The following STRBP variants were observed in gnomAD, a reference collection of about 807,000 sequenced individuals.
The protein encoded by STRBP is spermatid perinuclear RNA binding protein.
Under a neutral mutation model 80.1 loss-of-function variants are expected in STRBP, and 13 were observed. The ratio of observed to expected loss-of-function variants is 0.16; its 90% CI spans 0.11 to 0.26. The LOEUF (loss-of-function observed/expected upper bound fraction) is 0.26. Ranked by LOEUF, STRBP falls within the 10% of genes least tolerant of loss-of-function variation. STRBP has a pLI of 1.00. For synonymous variants in STRBP, 284 were observed against 291.2 expected (o/e 0.98, Z 0.25); for missense variants, 485 against 815.2 (o/e 0.59, Z 4.93).
At chr9:123,171,833 G>C (rs549807715) in intron 5 of STRBP, among the ~76,000 whole-genome samples, 8 of 152,000 alleles carry the variant, frequency 5.3e-5, no homozygotes, top group Non-Finnish European at 1.0e-4. Flanking sequence ...AGTTTCTTTA[G>C]CCTAAAAAGC....
chr9:123,248,768 T>C (rs993385589), intron 1 of STRBP, among the ~76,000 whole-genome samples: 8 of 152,350 alleles, frequency 5.3e-5, no homozygotes, highest in Admixed American at 3.9e-4. Context: ...TACTTTCCCA[T>C]AATAAAGAAT....
intron 2 of STRBP, among the ~76,000 whole-genome samples, chr9:123,223,092 T>C (rs1413759615): frequency 6.8e-6 from 1 of 148,058 alleles, no homozygotes; most frequent in African/African-American, 2.5e-5. Context: ...GATAGATAGA[T>C]AGATAAAAAT....
chr9:123,159,328 A>G (rs2037424545), intron 8 of STRBP, 121 bp from the exon 9 acceptor site: 1 of 595,770 alleles, frequency 1.7e-6, no homozygotes, highest in African/African-American at 1.9e-5. Flanking sequence ...TTTAACATTT[A>G]GGACCCACTT....
At chr9:123,222,845 T>C (rs1435948147) in intron 2 of STRBP, among the ~76,000 whole-genome samples, 4 of 152,168 alleles carry the variant, frequency 2.6e-5, no homozygotes, top group Admixed American at 2.6e-4. Flanking sequence ...GATCCAAAAA[T>C]TGTGCTTAAG....
At chr9:123,241,490 C>T (rs1427779655) in intron 1 of STRBP, among the ~76,000 whole-genome samples, 1 of 151,636 alleles carries the variant, frequency 6.6e-6, no homozygotes, top group East Asian at 1.9e-4. Flanking sequence ...GCCAGGGTAA[C>T]AGAGCAAGAC....
At position 123,136,602 on chromosome 9, in the gene STRBP, G is replaced by A. The variant is rs2036363329; in HGVS notation, c.1498-87C>T. ...ATTAATACAATTATGCTAAGAAGGA[G>A]GCTCAAAAATTCTACTTCAAAGCAC... On this transcript the variant is annotated intron_variant, in intron 14 of 18. Transcript: ENST00000348403. The surrounding 1 kb of genome is among the most constrained non-coding windows in gnomAD (Gnocchi z 4.2). The A allele has an allele frequency of 6.7e-7, 1 of 1,483,676 alleles. No homozygotes were observed. The highest frequency in any genetic ancestry group is 9.0e-7 in the Non-Finnish European group (1 of 1,113,362). 91.9% of individuals were successfully genotyped at this position (1,483,676 alleles called of 1,614,324 possible). A position where few individuals can be genotyped will look rare whatever the true frequency, so the allele number is the denominator to read the frequency against.
At chr9:123,258,811 A>G (rs2041095728) in intron 1 of STRBP, among the ~76,000 whole-genome samples, 1 of 151,930 alleles carries the variant, frequency 6.6e-6, no homozygotes, top group African/African-American at 2.4e-5. Context: ...AAAAAAAAAA[A>G]AAAAAAAAGA....
intron 13 of STRBP, among the ~76,000 whole-genome samples, chr9:123,142,500 C>T (rs1478463178): frequency 2.0e-5 from 3 of 152,160 alleles, no homozygotes; most frequent in Non-Finnish European, 4.4e-5. Context: ...TGGACTAATA[C>T]GTCCATCACT....
intron 6 of STRBP, among the ~76,000 whole-genome samples, chr9:123,166,524 C>T (rs752856939): frequency 1.1e-4 from 16 of 152,126 alleles, no homozygotes; most frequent in African/African-American, 2.2e-4. Context: ...GAGGCCGAGG[C>T]GGGCAAATTG....
At chr9:123,193,906 CATGCTAATTAGT>C (rs1487746089) in intron 2 of STRBP, among the ~76,000 whole-genome samples, 2 of 152,160 alleles carry the variant, frequency 1.3e-5, no homozygotes, top group African/African-American at 2.4e-5. Context: ...ATCACATAAT[CATGCTAATTAGT>C]CTTTTTCATG....
At chr9:123,142,742 ACTTTTTTTTTT>A (rs2036643840) in intron 13 of STRBP, among the ~76,000 whole-genome samples, 1 of 146,484 alleles carries the variant, frequency 6.8e-6, no homozygotes, top group Non-Finnish European at 1.5e-5. Context: ...CTGATAACAC[ACTTTTTTTTTT>A]TTACTGTTTT....
chr9:123,251,657 G>C (rs1347605027), intron 1 of STRBP, among the ~76,000 whole-genome samples: 2 of 152,180 alleles, frequency 1.3e-5, no homozygotes, highest in Non-Finnish European at 2.9e-5. Context: ...TTCTTAGATT[G>C]CAATTCATCA....
Position 123,159,179 on chromosome 9 carries a change from A to G in STRBP, c.752T>C (p.Ile251Thr). The G allele has an allele frequency of 6.2e-7, 1 of 1,613,468 alleles. No individual in the cohort carries two copies. Among genetic ancestry groups the G allele is most frequent in the Non-Finnish European group, 8.5e-7 (1 of 1,179,504 alleles). ...WPLELICEKSIGTCNRPLGAG... is the reference protein window; with the variant it reads ...WPLELICEKSTGTCNRPLGAG... ...GCCCAAAGGTCTATTACAAGTACCT[A>G]TAGACTTTTCACATATAAGTTCTAG... Residue 251 changes from isoleucine (I) to threonine (T), a missense_variant, in exon 9 of 19, where the codon ATA becomes ACA. Around this residue, in one of 3 missense-constraint regions of STRBP, gnomAD observed 377 missense variants for 616.1 expected, o/e 0.61. Coordinates refer to ENST00000348403, the MANE Select transcript of STRBP (RefSeq NM_018387.5).
chr9:123,176,297 A>G (rs2038215371), intron 4 of STRBP, among the ~76,000 whole-genome samples: 1 of 152,204 alleles, frequency 6.6e-6, no homozygotes, highest in Non-Finnish European at 1.5e-5. Flanking sequence ...GAGCTTTTGC[A>G]GATTTCCAGA....
intron 2 of STRBP, among the ~76,000 whole-genome samples, chr9:123,212,031 A>C (rs2039727765): frequency 6.6e-6 from 1 of 152,224 alleles, no homozygotes; most frequent in African/African-American, 2.4e-5. Flanking sequence ...AGTCAACCTT[A>C]GTATTTTTCC....
intron 2 of STRBP, among the ~76,000 whole-genome samples, chr9:123,206,381 G>A (rs2039515029): frequency 1.3e-5 from 2 of 152,182 alleles, no homozygotes; most frequent in Admixed American, 1.3e-4. Flanking sequence ...ATGGCATTAT[G>A]TGAGTTTCAT....
intron 18 of STRBP, among the ~76,000 whole-genome samples, 168 bp from the exon 19 acceptor site, chr9:123,125,841 G>A (rs772862384): frequency 6.6e-6 from 1 of 152,176 alleles, no homozygotes; most frequent in African/African-American, 2.4e-5. Context: ...GATCTATTTT[G>A]AAATTGCTCT....
intron 14 of STRBP, among the ~76,000 whole-genome samples, chr9:123,138,307 G>A (rs949583334): frequency 2.0e-5 from 3 of 152,004 alleles, no homozygotes; most frequent in Admixed American, 1.3e-4. Flanking sequence ...ACAACATCTT[G>A]ACCTGTGACT....
At chr9:123,226,102 G>A (rs1184308555) in intron 2 of STRBP, among the ~76,000 whole-genome samples, 1 of 152,172 alleles carries the variant, frequency 6.6e-6, no homozygotes, top group Non-Finnish European at 1.5e-5. Context: ...AAAAAGAAAT[G>A]CACTCCTGAT....
Sources: allele counts gnomAD v4.1 joint callset (sites outside exome capture counted in the v4.1 genomes callset), GRCh38; gene constraint gnomAD v4.1.1; regional missense constraint gnomAD v4.1.1; non-coding constraint Gnocchi (gnomAD v3.1); transcripts MANE v1.5; gene names NCBI Gene and HGNC (gene_info 2026-07-23, HGNC 2026-07-21).